The following SHROOM4 variants were observed in gnomAD, a reference collection of about 807,000 sequenced individuals.
SHROOM4 encodes shroom family member 4.
In SHROOM4, 17 loss-of-function variants were observed where a neutral mutation model predicts 80.3. The ratio of observed to expected loss-of-function variants is 0.21; its 90% CI spans 0.14 to 0.32. SHROOM4 has a LOEUF of 0.32. Among genes scored for constraint, SHROOM4 ranks in the 10% least tolerant of loss-of-function variants. The pLI is 1.00. For synonymous variants in SHROOM4, 400 were observed against 437.5 expected (o/e 0.91, Z 1.07); for missense variants, 993 against 1,140.3 (o/e 0.87, Z 1.86).
intron 2 of SHROOM4, among the ~76,000 whole-genome samples, chrX:50,640,463 C>T (rs180836130): frequency 1.6e-4 from 17 of 109,072 alleles, no homozygotes; most frequent in Non-Finnish European, 2.7e-4. Flanking sequence ...TCTCCCAGAA[C>T]CCACCACCAG....
chrX:50,675,559 A>C (rs1462197822), intron 2 of SHROOM4, among the ~76,000 whole-genome samples: 1 of 110,953 alleles, frequency 9.0e-6, no homozygotes, highest in African/African-American at 3.3e-5. Flanking sequence ...AAGTATTAAA[A>C]CATATTGAGT....
chrX:50,777,876 T>C (rs1464436399), intron 1 of SHROOM4, among the ~76,000 whole-genome samples: 1 of 112,220 alleles, frequency 8.9e-6, no homozygotes, highest in Non-Finnish European at 1.9e-5. Context: ...AATAAGATGA[T>C]GGATGTGGAA....
rs187482453 is a variant in SHROOM4 at position 50,696,193 on chromosome X, G to C, written c.118-256C>G. 1.8e-3 allele frequency among the ~76,000 whole-genome samples: 196 copies of C among 111,760 alleles called. 1 individual carries two copies. The highest frequency in any genetic ancestry group is 4.6e-3 in the Middle Eastern group (1 of 217). On this transcript the variant is annotated intron_variant, in intron 1 of 8. Coordinates refer to ENST00000376020, the MANE Select transcript of SHROOM4 (RefSeq NM_020717.5). ...ATGAGCAGTCCAACTGGGAAGACTAGAACTTCTAAATACGAAACTGATGCT... is the reference window on the plus strand; with the variant it reads ...ATGAGCAGTCCAACTGGGAAGACTACAACTTCTAAATACGAAACTGATGCT...
At chrX:50,727,095 AT>A (rs1934257295) in intron 1 of SHROOM4, among the ~76,000 whole-genome samples, 1 of 112,514 alleles carries the variant, frequency 8.9e-6, no homozygotes, top group Admixed American at 9.3e-5. Context: ...GTCAAAGGAG[AT>A]TGTTTTGGAG....
intron 5 of SHROOM4, among the ~76,000 whole-genome samples, chrX:50,617,232 A>C (rs990511304): frequency 8.0e-5 from 9 of 112,500 alleles, no homozygotes; most frequent in Non-Finnish European, 1.7e-4. Flanking sequence ...TATCTTACAA[A>C]TAAGCAGTCA....
intron 1 of SHROOM4, among the ~76,000 whole-genome samples, chrX:50,803,036 A>G (rs1936157831): frequency 8.9e-6 from 1 of 111,894 alleles, no homozygotes; most frequent in African/African-American, 3.2e-5. Flanking sequence ...CTAAAAATAC[A>G]AAAATTAGCC....
chrX:50,682,762 G>A (rs782685809), intron 2 of SHROOM4, among the ~76,000 whole-genome samples: 2 of 111,930 alleles, frequency 1.8e-5, no homozygotes, highest in South Asian at 7.6e-4. Flanking sequence ...ACAGAGATAT[G>A]AGAGAATATG....
chrX:50,635,249 T>G lies in SHROOM4; in HGVS notation c.824A>C (p.Gln275Pro). Residue 275 changes from glutamine (Q) to proline (P), a missense_variant, in exon 4 of 9, where the codon CAA becomes CCA. Physicochemically the swap from Gln to Pro is moderately conservative, Grantham distance 76. Transcript: ENST00000376020. ...GPAKAVRGPP[Q>P]PPVRRDSLQA... ...AAGGCTGTCCCGCCTCACTGGAGGT[T>G]GTGGTGGGCCCCTGACTGCTTTGGC... 1 of 1,203,517 alleles carries G rather than the reference T, an allele frequency of 8.3e-7. No individual in the cohort carries two copies. The highest frequency in any genetic ancestry group is 1.1e-6 in the Non-Finnish European group (1 of 891,293).
chrX:50,684,622 G>C (rs1933024414), intron 2 of SHROOM4, among the ~76,000 whole-genome samples: 1 of 111,900 alleles, frequency 8.9e-6, no homozygotes, highest in Non-Finnish European at 1.9e-5. Flanking sequence ...CTATAGGTCT[G>C]GGAAAGGTGT....
chrX:50,634,939 G>A lies in SHROOM4; in HGVS notation c.1134C>T (p.Ser378=), dbSNP rs1409351823. 1.2e-5 allele frequency: 14 copies of A among 1,209,413 alleles called. No homozygotes were observed. The highest frequency in any genetic ancestry group is 8.9e-5 in the East Asian group (3 of 33,727). The change falls in exon 4 of 9, where the codon AGC becomes AGT. Residue 378 remains serine (S), a synonymous_variant. Transcript: ENST00000376020. ...GSPKACDRAS[S]VDSNPLNEAS... is the part of the protein sequence containing the mutation. The stretch of plus-strand genomic sequence containing the variant: ...CCTCATTGAGTGGGTTGGAATCCAC[G>A]CTGGAAGCTCTGTCACAGGCTTTTG...
At chrX:50,674,911 G>A (rs1602424344) in intron 2 of SHROOM4, among the ~76,000 whole-genome samples, 1 of 111,925 alleles carries the variant, frequency 8.9e-6, no homozygotes, top group East Asian at 2.8e-4. Flanking sequence ...GTGGTTAAGT[G>A]CACAGAGGAC....
At chrX:50,761,924 G>T (rs1935167642) in intron 1 of SHROOM4, among the ~76,000 whole-genome samples, 1 of 111,356 alleles carries the variant, frequency 9.0e-6, no homozygotes, top group Non-Finnish European at 1.9e-5. Flanking sequence ...TAATGGAGTT[G>T]TTTAAACTCT....
At chrX:50,610,352 T>TCTCACACA (rs782591424) in intron 5 of SHROOM4, among the ~76,000 whole-genome samples, 4,939 of 91,620 alleles carry the variant, frequency 0.054, 130 homozygotes, top group African/African-American at 0.077. Flanking sequence ...TCTCTCTCTC[T>TCTCACACA]CACACACACA....
the SHROOM4 span, among the ~76,000 whole-genome samples, chrX:50,579,640 T>G: frequency 8.9e-6 from 1 of 111,749 alleles, no homozygotes; most frequent in Admixed American, 9.5e-5. Flanking sequence ...TATATTTTCA[T>G]AGGCTGAGCT....
At chrX:50,579,262 A>G in the SHROOM4 span, among the ~76,000 whole-genome samples, 12 of 112,265 alleles carry the variant, frequency 1.1e-4, no homozygotes, top group South Asian at 7.5e-4. Context: ...AATATAAGTG[A>G]TTCAAAAATG....
At chrX:50,754,932 G>A (rs1935006384) in intron 1 of SHROOM4, among the ~76,000 whole-genome samples, 1 of 112,266 alleles carries the variant, frequency 8.9e-6, no homozygotes, top group African/African-American at 3.2e-5. Flanking sequence ...GCTCTGCAGT[G>A]CACTGTGACT....
Position 50,695,793 on chromosome X carries a change from C to T in SHROOM4, c.262G>A (p.Val88Ile), listed in dbSNP as rs782566196. 6.6e-6 allele frequency: 8 copies of T among 1,210,102 alleles called. No homozygotes were observed. The South Asian group carries it at 7.1e-5, about 11-fold the overall frequency. ...AATCTCCCTGTACCTTACCTCCTGA[C>T]AATCAGCTTGAGAATCCGGAAGGAG... ...KGSFRILKLI[V>I]RRRNAPVSRP... Residue 88 changes from valine (V) to isoleucine (I), a missense_variant, in exon 2 of 9, where the codon GTC (valine) becomes ATC (isoleucine). Physicochemically the swap from Val to Ile is conservative, Grantham distance 29 (BLOSUM62 3). Transcript: ENST00000376020.
chrX:50,778,754 A>G (rs1557270354), intron 1 of SHROOM4, among the ~76,000 whole-genome samples: 1 of 112,313 alleles, frequency 8.9e-6, no homozygotes, highest in African/African-American at 3.2e-5. Context: ...AGTTTTAAAG[A>G]CCATATTTAA....
At chrX:50,655,169 T>C (rs1167717815) in intron 2 of SHROOM4, among the ~76,000 whole-genome samples, 3 of 110,030 alleles carry the variant, frequency 2.7e-5, no homozygotes, top group African/African-American at 9.9e-5. Flanking sequence ...ATATACCACA[T>C]TTTATTTATC....
Sources: allele counts gnomAD v4.1 joint callset (sites outside exome capture counted in the v4.1 genomes callset), GRCh38; gene constraint gnomAD v4.1.1; transcripts MANE v1.5; gene names NCBI Gene and HGNC (gene_info 2026-07-23, HGNC 2026-07-21).